The following SLAMF6 variants were observed in gnomAD, a reference collection of about 807,000 sequenced individuals.
SLAMF6 encodes NK-T-B-antigen.
Under a neutral mutation model 38.3 loss-of-function variants are expected in SLAMF6, and 21 were observed. That is an observed-to-expected ratio of 0.55 (90% CI 0.39 to 0.79). SLAMF6 has a LOEUF of 0.79. SLAMF6 is among the 30% of genes least tolerant of loss of function. The probability of loss-of-function intolerance (pLI) is 0.00; values close to 1 mark genes in which losing one functional copy is unlikely to be tolerated. For missense variants in SLAMF6, 341 were observed against 385.3 expected, an observed-to-expected ratio of 0.89 and a Z score of 0.96; for synonymous variants, 152 against 146.3, an observed-to-expected ratio of 1.04 and a Z score of -0.28.
intron 2 of SLAMF6, among the ~76,000 whole-genome samples, chr1:160,491,641 A>G (rs967251193): frequency 3.3e-5 from 5 of 152,160 alleles, no homozygotes; most frequent in African/African-American, 7.2e-5. Flanking sequence ...TGAGGTTTCC[A>G]TCAACTAGCT....
chr1:160,495,846 G>C (rs1052479817), intron 2 of SLAMF6, among the ~76,000 whole-genome samples: 11 of 152,204 alleles, frequency 7.2e-5, no homozygotes, highest in African/African-American at 2.7e-4. Flanking sequence ...TTTTATCGGA[G>C]TGAAGTAATT....
chr1:160,506,063 G>A (rs1329458146), intron 1 of SLAMF6, among the ~76,000 whole-genome samples: 3 of 152,032 alleles, frequency 2.0e-5, no homozygotes, highest in African/African-American at 7.2e-5. Context: ...AGGAGTCCAA[G>A]GAGGAGCAGA....
chr1:160,521,344 A>G (rs1011203714), intron 1 of SLAMF6, among the ~76,000 whole-genome samples: 1 of 152,074 alleles, frequency 6.6e-6, no homozygotes, highest in Non-Finnish European at 1.5e-5. Context: ...TTCTTTCCCC[A>G]TCTGTGAAGT....
chr1:160,519,350 T>C (rs574596303), intron 1 of SLAMF6, among the ~76,000 whole-genome samples: 1 of 152,326 alleles, frequency 6.6e-6, no homozygotes, highest in African/African-American at 2.4e-5. Flanking sequence ...TTATAACTCT[T>C]GTACACAGCT....
chr1:160,485,459 C>A lies in SLAMF6; in HGVS notation c.*1248G>T, dbSNP rs1051010701. On this transcript the variant is annotated 3_prime_UTR_variant, in exon 8 of 8. Transcript: ENST00000368057. ...AGGACCCCAGCAGGCAGAGGAAGGG[C>A]CTGCAGGAAGATGTAAATAATTAAC... 6.6e-6 allele frequency: 1 copy of A among 152,106 alleles called. No homozygotes were observed. The highest frequency in any genetic ancestry group is 1.5e-5 in the Non-Finnish European group (1 of 68,034). 9.4% of individuals were successfully genotyped at this position (152,106 alleles called of 1,614,324 possible).
At chr1:160,519,605 A>C (rs373508213) in intron 1 of SLAMF6, among the ~76,000 whole-genome samples, 4 of 152,238 alleles carry the variant, frequency 2.6e-5, no homozygotes, top group East Asian at 1.9e-4. Context: ...ACAAAATACT[A>C]TTCAGCCAAA....
chr1:160,499,102 T>C (rs1042013995), intron 1 of SLAMF6, among the ~76,000 whole-genome samples: 1 of 152,224 alleles, frequency 6.6e-6, no homozygotes, highest in Non-Finnish European at 1.5e-5. Flanking sequence ...TTTGTTGCAA[T>C]TGCTTTTGGG....
intron 1 of SLAMF6, among the ~76,000 whole-genome samples, chr1:160,512,826 AACAAAAAAGTCCCC>A (rs1654553630): frequency 6.6e-6 from 1 of 152,220 alleles, no homozygotes; most frequent in African/African-American, 2.4e-5. Context: ...CAACAGCATC[AACAAAAAAGTCCCC>A]ACAAAAAGCC....
chr1:160,494,033 C>A (rs918586186), intron 2 of SLAMF6, among the ~76,000 whole-genome samples: 3 of 152,142 alleles, frequency 2.0e-5, no homozygotes, highest in Non-Finnish European at 4.4e-5. Flanking sequence ...GGACACAGAG[C>A]CAAACCATGT....
chr1:160,491,213 C>T lies in SLAMF6; in HGVS notation c.558G>A (p.Arg186=), dbSNP rs755292996. The T allele has an allele frequency of 6.2e-7, 1 of 1,614,040 alleles. No individual in the cohort carries two copies. The highest frequency in any genetic ancestry group is 8.5e-7 in the Non-Finnish European group (1 of 1,179,964). ...QPNLTVSWDP[R]ISSEQDYTCI... ...AGGTGTAGTCCTGTTCACTGGAAAT[C>T]CTGGGGTCCCAGGAGACAGTGAGGT... Residue 186 remains arginine (R), a synonymous_variant, in exon 3 of 8, where the codon AGG becomes AGA. Coordinates refer to ENST00000368057, the MANE Select transcript of SLAMF6 (RefSeq NM_001184714.2).
Position 160,490,233 on chromosome 1 carries a change from G to A in SLAMF6, c.761C>T (p.Ser254Phe), listed in dbSNP as rs1185024324. 1.2e-6 allele frequency: 2 copies of A among 1,613,660 alleles called. No individual in the cohort carries two copies. The highest frequency in any genetic ancestry group is 1.7e-6 in the Non-Finnish European group (2 of 1,179,786). ...LLLVLRKRRD[S>F]LSLSTQRTQG... is the part of the protein sequence containing the mutation. Reference sequence around the variant, plus strand: ...TGTTCGCTGAGTAGACAAAGATAGGGAATCTGAAAAATAAAACCAGAAAAT... The same window carrying A: ...TGTTCGCTGAGTAGACAAAGATAGGAAATCTGAAAAATAAAACCAGAAAAT... The change falls in exon 5 of 8, where the codon TCC becomes TTC. Residue 254 changes from serine (S) to phenylalanine (F), a missense_variant. By Grantham distance (155) the Ser-to-Phe change is radical. Transcript: ENST00000368057.
At chr1:160,504,017 C>CAAAAAAAA (rs10648306) in intron 1 of SLAMF6, among the ~76,000 whole-genome samples, 1 of 86,678 alleles carries the variant, frequency 1.2e-5, no homozygotes, top group Non-Finnish European at 2.1e-5. Context: ...GACTCTATCT[C>CAAAAAAAA]AAAAAAAAAA....
At chr1:160,502,899 T>A (rs1653984697) in intron 1 of SLAMF6, among the ~76,000 whole-genome samples, 1 of 152,102 alleles carries the variant, frequency 6.6e-6, no homozygotes, top group African/African-American at 2.4e-5. Context: ...ATTGAGAAGG[T>A]AGGACAAATG....
intron 1 of SLAMF6, among the ~76,000 whole-genome samples, chr1:160,497,002 C>A (rs564391642): frequency 1.3e-5 from 2 of 152,234 alleles, no homozygotes; most frequent in Non-Finnish European, 1.5e-5. Flanking sequence ...GAAAAGTTAA[C>A]TAATTTTCCC....
At chr1:160,503,888 G>T (rs374017010) in intron 1 of SLAMF6, among the ~76,000 whole-genome samples, 2 of 151,918 alleles carry the variant, frequency 1.3e-5, no homozygotes, top group Non-Finnish European at 2.9e-5. Context: ...AAAAATATCA[G>T]CCAGGCAGAG....
intron 1 of SLAMF6, among the ~76,000 whole-genome samples, chr1:160,514,644 CAACA>C (rs1297778815): frequency 3.3e-5 from 5 of 151,996 alleles, no homozygotes; most frequent in Admixed American, 6.6e-5. Context: ...ACTGAAATCA[CAACA>C]AACAGTCTCT....
chr1:160,511,539 G>A (rs1654472406), intron 1 of SLAMF6, among the ~76,000 whole-genome samples: 1 of 152,050 alleles, frequency 6.6e-6, no homozygotes, highest in Admixed American at 6.6e-5. Context: ...ATGAAGTTGG[G>A]CCCCTTCCTC....
chr1:160,517,543 T>C (rs192783888), intron 1 of SLAMF6, among the ~76,000 whole-genome samples: 65 of 152,268 alleles, frequency 4.3e-4, no homozygotes, highest in South Asian at 1.7e-3. Context: ...GTTACAAAGA[T>C]ATATGCATGC....
chr1:160,509,860 T>C (rs1420639968), intron 1 of SLAMF6, among the ~76,000 whole-genome samples: 4 of 151,938 alleles, frequency 2.6e-5, no homozygotes, highest in South Asian at 4.2e-4. Flanking sequence ...TTTAGCTAGA[T>C]TGACAAAGAA....
Sources: allele counts gnomAD v4.1 joint callset (sites outside exome capture counted in the v4.1 genomes callset), GRCh38; gene constraint gnomAD v4.1.1; transcripts MANE v1.5; gene names NCBI Gene and HGNC (gene_info 2026-07-23, HGNC 2026-07-21).